Variants in TRPS1 observed in about 807,000 individuals in gnomAD.
The protein encoded by TRPS1 is transcriptional repressor GATA binding 1.
In TRPS1, 6 loss-of-function variants were observed where a neutral mutation model predicts 101.2. That is an observed-to-expected ratio of 0.06 (90% CI 0.03 to 0.12). The LOEUF (loss-of-function observed/expected upper bound fraction) is 0.12, where lower values mean the gene tolerates loss of function less well. Ranked by LOEUF, TRPS1 falls within the 10% of genes least tolerant of loss-of-function variation. The probability of loss-of-function intolerance (pLI) is 1.00; values close to 1 mark genes in which losing one functional copy is unlikely to be tolerated. For synonymous variants in TRPS1, 578 were observed against 589.8 expected (o/e 0.98, Z 0.29); for missense variants, 1,363 against 1,567.0 (o/e 0.87, Z 2.20).
chr8:115,662,229 A>C (rs1811816553), intron 1 of TRPS1, among the ~76,000 whole-genome samples: 1 of 151,978 alleles, frequency 6.6e-6, no homozygotes, highest in South Asian at 2.1e-4. Flanking sequence ...AATGCCCCAA[A>C]TTTGCGGAAT....
chr8:115,496,112 T>C (rs1815143598), intron 5 of TRPS1, among the ~76,000 whole-genome samples: 1 of 152,188 alleles, frequency 6.6e-6, no homozygotes, highest in African/African-American at 2.4e-5. Context: ...TGTCAAATCC[T>C]GTGCTGTTTC....
At chr8:115,632,130 G>T (rs1200534526) in intron 1 of TRPS1, among the ~76,000 whole-genome samples, 1 of 151,970 alleles carries the variant, frequency 6.6e-6, no homozygotes, top group African/African-American at 2.4e-5. Flanking sequence ...TCAGTAAAAT[G>T]AATTTGCATG....
At position 115,529,202 on chromosome 8, in the gene TRPS1, A is replaced by AT. The variant is rs374784303; in HGVS notation, c.2700+57798dup. On this transcript the variant is annotated intron_variant, in intron 5 of 6. Transcript: ENST00000395715. The stretch of plus-strand genomic sequence containing the variant: ...GAGAAGGAATAAAATACAGCTGGAG[A>AT]TTTTTTTTGCAGGAGAGGTACAGAA... Among the ~76,000 whole-genome samples, 134 of 151,846 alleles carry AT rather than the reference A, an allele frequency of 8.8e-4. 1 individual carries two copies. In the East Asian group the frequency reaches 0.018, roughly 20 times the overall value.
intron 5 of TRPS1, among the ~76,000 whole-genome samples, chr8:115,571,836 TG>T (rs1817210317): frequency 6.6e-6 from 1 of 152,068 alleles, no homozygotes; most frequent in Non-Finnish European, 1.5e-5. Flanking sequence ...CATTTTTAAA[TG>T]GGTATTCAAG....
intron 5 of TRPS1, among the ~76,000 whole-genome samples, chr8:115,492,837 C>A (rs529239276): frequency 1.3e-5 from 2 of 152,166 alleles, no homozygotes; most frequent in South Asian, 4.1e-4. Flanking sequence ...CCTCAGCCTC[C>A]CGAGTAGCTG....
chr8:115,631,045 G>A (rs1292969470), intron 1 of TRPS1, among the ~76,000 whole-genome samples: 1 of 152,020 alleles, frequency 6.6e-6, no homozygotes, highest in African/African-American at 2.4e-5. Flanking sequence ...CAGAGTACCA[G>A]ATTATCCTAA....
At chr8:115,416,734 A>G (rs1586252408) in intron 6 of TRPS1, among the ~76,000 whole-genome samples, 1 of 152,066 alleles carries the variant, frequency 6.6e-6, no homozygotes, top group East Asian at 1.9e-4. Context: ...ACATACTTCC[A>G]AGTGAAGAAA....
At chr8:115,509,275 C>T (rs1056663865) in intron 5 of TRPS1, among the ~76,000 whole-genome samples, 2 of 152,006 alleles carry the variant, frequency 1.3e-5, no homozygotes. Flanking sequence ...CTGGGAATCA[C>T]ACTAGGCTTC....
At chr8:115,566,799 A>G (rs374302663) in intron 5 of TRPS1, among the ~76,000 whole-genome samples, 3 of 152,150 alleles carry the variant, frequency 2.0e-5, no homozygotes, top group African/African-American at 7.2e-5. Context: ...ATATGTTTTC[A>G]AGAGATCTGT....
rs145855723 is a variant in TRPS1 at position 115,557,114 on chromosome 8, C to G, written c.2700+29887G>C. ...AGAGAGAGCTTGTGCAGGGAAACCC[C>G]TCTTTTTAAAACCACCTGATCTCGT... On this transcript the variant is annotated intron_variant, in intron 5 of 6. Transcript: ENST00000395715. Among the ~76,000 whole-genome samples, 37 of 152,214 alleles carry G rather than the reference C, an allele frequency of 2.4e-4. No homozygotes were observed. In the South Asian group the frequency reaches 7.0e-3, roughly 29 times the overall value.
Position 115,604,011 on chromosome 8 carries a change from T to C in TRPS1, c.1958A>G (p.Gln653Arg). 10 of 1,613,988 alleles carry C rather than the reference T, an allele frequency of 6.2e-6. No homozygotes were observed. The highest frequency in any genetic ancestry group is 6.8e-6 in the Non-Finnish European group (8 of 1,179,968). ...LFHYESVHESQASDVKQEANH... is the reference protein window; with the variant it reads ...LFHYESVHESRASDVKQEANH... ...TGCTTCTTGTTTGACATCCGATGCT[T>C]GGGACTCATGCACACTTTCATAGTG... Residue 653 changes from glutamine (Q) to arginine (R), a missense_variant, in exon 4 of 7, where the codon CAA (glutamine) becomes CGA (arginine). By Grantham distance (43) the Gln-to-Arg change is conservative. Coordinates refer to ENST00000395715, the MANE Select transcript of TRPS1 (RefSeq NM_014112.5). This position sits in a 1 kb window ranked among gnomAD's most constrained non-coding sequence, Gnocchi z 4.1.
At chr8:115,660,278 T>C (rs551659032) in intron 1 of TRPS1, among the ~76,000 whole-genome samples, 1 of 152,182 alleles carries the variant, frequency 6.6e-6, no homozygotes, top group South Asian at 2.1e-4. Flanking sequence ...TATTGATTTG[T>C]AAGCTTTATA....
chr8:115,443,937 T>G (rs1813668798), intron 5 of TRPS1, among the ~76,000 whole-genome samples: 1 of 152,174 alleles, frequency 6.6e-6, no homozygotes, highest in Non-Finnish European at 1.5e-5. Flanking sequence ...GTCACCTTTC[T>G]AAAAACATAG....
intron 1 of TRPS1, among the ~76,000 whole-genome samples, chr8:115,666,726 T>C (rs1811929986): frequency 6.6e-6 from 1 of 152,246 alleles, no homozygotes; most frequent in Non-Finnish European, 1.5e-5. Context: ...TTTGAAGAAT[T>C]GTTGGAAGGT....
chr8:115,536,291 C>T (rs1258290128), intron 5 of TRPS1, among the ~76,000 whole-genome samples: 2 of 151,728 alleles, frequency 1.3e-5, no homozygotes, highest in African/African-American at 2.4e-5. Flanking sequence ...GAGGCCGAGG[C>T]GGGCGGATCA....
chr8:115,610,028 TCA>T (rs1818127540), intron 3 of TRPS1, among the ~76,000 whole-genome samples: 2 of 152,186 alleles, frequency 1.3e-5, no homozygotes, highest in Non-Finnish European at 2.9e-5. Flanking sequence ...TCTTAAAGCC[TCA>T]GAGCTCTTAA....
In TRPS1 at chr8:115,567,977, T is replaced by C. The variant is rs757619932; in HGVS notation, c.2700+19024A>G. Among the ~76,000 whole-genome samples the C allele has an allele frequency of 3.3e-5, 5 of 152,124 alleles. No individual in the cohort carries two copies. In the South Asian group the frequency reaches 1.0e-3, roughly 32 times the overall value. Reference sequence around the variant, plus strand: ...TACTGAGAGTTTTAAACCAGTTGTGTTATTTTGGGGCAACTTACTTAACTT... The same window carrying C: ...TACTGAGAGTTTTAAACCAGTTGTGCTATTTTGGGGCAACTTACTTAACTT... On this transcript the variant is annotated intron_variant, in intron 5 of 6. Coordinates refer to ENST00000395715, the MANE Select transcript of TRPS1 (RefSeq NM_014112.5).
chr8:115,549,521 G>A (rs1412626149), intron 5 of TRPS1, among the ~76,000 whole-genome samples: 2 of 152,026 alleles, frequency 1.3e-5, no homozygotes, highest in South Asian at 2.1e-4. Flanking sequence ...AAAGATGGAC[G>A]ATTAGTAGAA....
intron 5 of TRPS1, among the ~76,000 whole-genome samples, chr8:115,425,562 T>C (rs182656072): frequency 2.6e-5 from 4 of 152,310 alleles, no homozygotes; most frequent in African/African-American, 9.6e-5. Flanking sequence ...ACTGACAATG[T>C]CGCCACATAG....
Sources: gnomAD v4.1 joint callset for allele counts (sites outside exome capture counted in the v4.1 genomes callset) on GRCh38, gnomAD v4.1.1 for gene constraint, Gnocchi (gnomAD v3.1) non-coding constraint, MANE v1.5 for transcripts, NCBI Gene and HGNC (gene_info 2026-07-23, HGNC 2026-07-21) for gene names.